SH3RF3: variants seen among roughly 807,000 people sequenced by gnomAD.
SH3RF3 encodes E3 ubiquitin-protein ligase SH3RF3.
Under a neutral mutation model 66.3 loss-of-function variants are expected in SH3RF3, and 29 were observed. The ratio of observed to expected loss-of-function variants is 0.44; its 90% CI spans 0.33 to 0.60. The LOEUF is 0.60. Among genes scored for constraint, SH3RF3 ranks in the 20% least tolerant of loss-of-function variants. The pLI, the probability that SH3RF3 is intolerant of heterozygous loss-of-function variation, is 0.04. For missense variants in SH3RF3, 1,194 were observed against 1,190.9 expected (o/e 1.00, Z -0.04); for synonymous variants, 583 against 532.0 (o/e 1.10, Z -1.32).
At chr2:109,487,376 A>G (rs184788026) in intron 8 of SH3RF3, among the ~76,000 whole-genome samples, 17 of 152,188 alleles carry the variant, frequency 1.1e-4, no homozygotes, top group Non-Finnish European at 1.8e-4. Flanking sequence ...TCCATATTCC[A>G]TGGATTCCGT....
chr2:109,264,609 G>A (rs948678839), intron 1 of SH3RF3, among the ~76,000 whole-genome samples: 2 of 152,262 alleles, frequency 1.3e-5, no homozygotes, highest in Non-Finnish European at 2.9e-5. Flanking sequence ...CTGACAGTTG[G>A]ATGTCAGGAG....
At chr2:109,385,903 TTC>T (rs1291028661) in intron 3 of SH3RF3, among the ~76,000 whole-genome samples, 2 of 42,134 alleles carry the variant, frequency 4.7e-5, no homozygotes, top group African/African-American at 1.5e-4. Context: ...AACTCTGCTC[TTC>T]TTCATATTTC....
intron 1 of SH3RF3, among the ~76,000 whole-genome samples, chr2:109,312,904 C>T (rs562185335): frequency 1.3e-3 from 200 of 152,242 alleles, no homozygotes; most frequent in Non-Finnish European, 2.4e-3. Flanking sequence ...CTTGCTGGGT[C>T]ACGTGGTCAT....
At chr2:109,348,476 A>C (rs1682766170) in intron 2 of SH3RF3, among the ~76,000 whole-genome samples, 1 of 152,224 alleles carries the variant, frequency 6.6e-6, no homozygotes, top group African/African-American at 2.4e-5. Flanking sequence ...TGAAGCAAAC[A>C]TTTGGGAGCA....
intron 4 of SH3RF3, among the ~76,000 whole-genome samples, chr2:109,415,007 A>G (rs1468693973): frequency 3.3e-5 from 5 of 152,198 alleles, no homozygotes; most frequent in Admixed American, 6.5e-5. Flanking sequence ...GGCCCTCCCG[A>G]GAGGGAAGCA....
intron 4 of SH3RF3, among the ~76,000 whole-genome samples, chr2:109,408,504 AC>A (rs1349128041): frequency 6.6e-6 from 1 of 152,024 alleles, no homozygotes; most frequent in Non-Finnish European, 1.5e-5. Context: ...GGCGAGAAAA[AC>A]GGGGTCCCAC....
chr2:109,401,981 C>A (rs1341799020), intron 4 of SH3RF3, among the ~76,000 whole-genome samples: 1 of 152,240 alleles, frequency 6.6e-6, no homozygotes, highest in Non-Finnish European at 1.5e-5. Flanking sequence ...AGGCTACTGA[C>A]TTTAGTTTGG....
chr2:109,458,069 A>T (rs1370920840), intron 8 of SH3RF3, among the ~76,000 whole-genome samples: 1 of 152,188 alleles, frequency 6.6e-6, no homozygotes, highest in African/African-American at 2.4e-5. Flanking sequence ...GGAGCCGGGG[A>T]GGGCACTCTG....
intron 1 of SH3RF3, among the ~76,000 whole-genome samples, chr2:109,236,485 GGT>G (rs1244461667): frequency 1.3e-5 from 2 of 152,162 alleles, no homozygotes; most frequent in Non-Finnish European, 2.9e-5. Flanking sequence ...AATCAGAAAA[GGT>G]GGTCTTCTTG....
intron 1 of SH3RF3, among the ~76,000 whole-genome samples, chr2:109,259,074 T>C (rs1680290623): frequency 6.6e-6 from 1 of 152,256 alleles, no homozygotes; most frequent in Non-Finnish European, 1.5e-5. Context: ...AGTTTCCATT[T>C]GGCTTCATCA....
At chr2:109,180,532 T>A (rs764201302) in intron 1 of SH3RF3, among the ~76,000 whole-genome samples, 2 of 152,200 alleles carry the variant, frequency 1.3e-5, no homozygotes, top group African/African-American at 2.4e-5. Flanking sequence ...TCCCACGTGT[T>A]GTGGGAGGGA....
At chr2:109,404,000 A>G (rs1676384118) in intron 4 of SH3RF3, among the ~76,000 whole-genome samples, 1 of 152,132 alleles carries the variant, frequency 6.6e-6, no homozygotes, top group Non-Finnish European at 1.5e-5. Flanking sequence ...GAATCAGGGA[A>G]TGAATCACCA....
At chr2:109,407,746 T>TA (rs35836876) in intron 4 of SH3RF3, among the ~76,000 whole-genome samples, 9 of 151,492 alleles carry the variant, frequency 5.9e-5, no homozygotes, top group African/African-American at 1.5e-4. Context: ...CTGGGATGAA[T>TA]AAAAAAAAAA....
Position 109,129,597 on chromosome 2 carries a change from G to C in SH3RF3, c.57G>C (p.Gln19His), listed in dbSNP as rs1676631141. ...CASKAAAAAA[Q>H]SEGDEDRPGE... ...CCAAGGCGGCCGCCGCTGCTGCGCA[G>C]AGCGAGGGCGACGAGGACAGGCCAG... Residue 19 changes from glutamine to histidine, a missense_variant, in exon 1 of 10, where the codon CAG becomes CAC. Physicochemically the swap from Gln to His is conservative, Grantham distance 24. Transcript: ENST00000309415. 1 of 1,482,584 alleles carries C rather than the reference G, an allele frequency of 6.7e-7. No individual in the cohort carries two copies. The highest frequency in any genetic ancestry group is 8.9e-7 in the Non-Finnish European group (1 of 1,125,584). 91.8% of individuals were successfully genotyped at this position (1,482,584 alleles called of 1,614,324 possible). A position where few individuals can be genotyped will look rare whatever the true frequency, so the allele number is the denominator to read the frequency against.
At position 109,347,713 on chromosome 2, in the gene SH3RF3, T is replaced by A. The variant is rs1682745779; in HGVS notation, c.613T>A (p.Tyr205Asn). 1.2e-6 allele frequency: 2 copies of A among 1,613,590 alleles called. No individual in the cohort carries two copies. The highest frequency in any genetic ancestry group is 1.7e-5 in the Admixed American group (1 of 59,992). The stretch of plus-strand genomic sequence containing the variant: ...TCCCTATGGCAAGGCCCTCTACAGC[T>A]ACGAGGGGAAGGAACCTGGTGACCT... ...LLPYGKALYS[Y>N]EGKEPGDLKF... Residue 205 changes from tyrosine to asparagine, a missense_variant, in exon 2 of 10, where the codon TAC (tyrosine) becomes AAC (asparagine). Coordinates refer to ENST00000309415, the MANE Select transcript of SH3RF3 (RefSeq NM_001099289.3).
intron 1 of SH3RF3, among the ~76,000 whole-genome samples, chr2:109,192,332 A>C (rs1678387345): frequency 6.6e-6 from 1 of 152,264 alleles, no homozygotes; most frequent in African/African-American, 2.4e-5. Flanking sequence ...AAAAGCAGAA[A>C]ATGAGTTTTT....
At chr2:109,199,588 G>GTTCC (rs1678603486) in intron 1 of SH3RF3, among the ~76,000 whole-genome samples, 1 of 504 alleles carries the variant, frequency 2.0e-3, no homozygotes, top group African/African-American at 6.2e-3. Flanking sequence ...GGAATGGAAT[G>GTTCC]GAATGGAATG....
intron 1 of SH3RF3, among the ~76,000 whole-genome samples, chr2:109,157,913 G>C (rs1433711534): frequency 2.6e-5 from 4 of 152,136 alleles, no homozygotes; most frequent in African/African-American, 9.7e-5. Context: ...GCAGCTGCTC[G>C]TGTTTGATTT....
At chr2:109,410,369 C>T in intron 4 of SH3RF3, among the ~76,000 whole-genome samples, 1 of 152,216 alleles carries the variant, frequency 6.6e-6, no homozygotes, top group East Asian at 1.9e-4. Context: ...GGATCCAGGG[C>T]ACTGCACAGT....
Sources: allele counts gnomAD v4.1 joint callset (sites outside exome capture counted in the v4.1 genomes callset), GRCh38; gene constraint gnomAD v4.1.1; transcripts MANE v1.5; gene names NCBI Gene and HGNC (gene_info 2026-07-23, HGNC 2026-07-21).